Variants in MBP observed in about 807,000 individuals in gnomAD.
The protein encoded by MBP is Golli-MBP.
A neutral mutation model predicts 35.8 loss-of-function variants in MBP; 16 were observed. The ratio of observed to expected loss-of-function variants is 0.45; its 90% CI spans 0.30 to 0.68. The LOEUF is 0.68. Among genes scored for constraint, MBP ranks in the 30% least tolerant of loss-of-function variants. The pLI is 0.08. For missense variants in MBP, 380 were observed against 404.7 expected, an observed-to-expected ratio of 0.94 and a Z score of 0.52; for synonymous variants, 143 against 159.6, an observed-to-expected ratio of 0.90 and a Z score of 0.78.
chr18:76,990,903 T>C (rs777748525), intron 4 of MBP: 12 of 316,000 alleles, frequency 3.8e-5, no homozygotes, highest in Middle Eastern at 3.8e-4. Context: ...ACCGACTCAG[T>C]GTGCGGCTCT....
intron 4 of MBP, chr18:77,013,802 A>C: frequency 1.0e-6 from 1 of 985,468 alleles, no homozygotes; most frequent in Non-Finnish European, 1.2e-6. Flanking sequence ...GAACTATCCA[A>C]GTGGCACATC....
intron 2 of MBP, among the ~76,000 whole-genome samples, chr18:77,099,558 G>T (rs1004379465): frequency 6.6e-6 from 1 of 152,214 alleles, no homozygotes; most frequent in Non-Finnish European, 1.5e-5. Context: ...ACGCTCCCAC[G>T]CAAGGATCGT....
intron 3 of MBP, among the ~76,000 whole-genome samples, chr18:77,027,105 TA>T (rs1213331621): frequency 6.6e-6 from 1 of 152,074 alleles, no homozygotes; most frequent in Non-Finnish European, 1.5e-5. Flanking sequence ...CATAGGCCAG[TA>T]AAATAGGAAA....
intron 4 of MBP, among the ~76,000 whole-genome samples, chr18:76,993,566 A>AAC (rs1568271821): frequency 4.0e-5 from 6 of 149,588 alleles, no homozygotes; most frequent in Non-Finnish European, 3.0e-5. Flanking sequence ...AAAAAAAAAA[A>AAC]AACAAAAGAT....
chr18:77,119,499 C>T (rs549204349), intron 1 of MBP, among the ~76,000 whole-genome samples: 5 of 152,170 alleles, frequency 3.3e-5, no homozygotes, highest in Non-Finnish European at 2.9e-5. Context: ...CAATACCCAG[C>T]AGGCACACAG....
At chr18:77,097,572 ATCT>A (rs879642881) in intron 2 of MBP, 1 of 152,220 alleles carries the variant, frequency 6.6e-6, no homozygotes, top group African/African-American at 2.4e-5. Flanking sequence ...AGAGCCAGAC[ATCT>A]TCTACACAGC....
intron 3 of MBP, among the ~76,000 whole-genome samples, chr18:77,017,957 C>T (rs901136671): frequency 1.2e-4 from 19 of 152,298 alleles, no homozygotes; most frequent in Middle Eastern, 3.4e-3. Context: ...ATTTCTGTCA[C>T]GAAGGGCAAT....
chr18:77,084,426 C>CA (rs1568331734), intron 2 of MBP, among the ~76,000 whole-genome samples: 9 of 58,480 alleles, frequency 1.5e-4, no homozygotes, highest in Non-Finnish European at 2.1e-4. Flanking sequence ...CCCCGCCACA[C>CA]CACACCACAC....
At position 76,988,123 on chromosome 18, in the gene MBP, A is replaced by AT. The variant is rs1428335652; in HGVS notation, c.750+371dup. On this transcript the variant is annotated intron_variant, in intron 7 of 8. Coordinates refer to ENST00000355994, the MANE Select transcript of MBP (RefSeq NM_001025101.2). The surrounding 1 kb of genome is among the most constrained non-coding windows in gnomAD (Gnocchi z 5.2). ...ACGGGCCAGCCAGTCCCACTTCCAC[A>AT]TGCGGGTTCCTGGGGCTTCTCGCAC... The AT allele has an allele frequency of 6.6e-7, 1 of 1,521,668 alleles. No homozygotes were observed. 94.3% of individuals were successfully genotyped at this position (1,521,668 alleles called of 1,614,324 possible). A position where few individuals can be genotyped will look rare whatever the true frequency, so the allele number is the denominator to read the frequency against.
chr18:76,996,725 G>T (rs952713339), intron 4 of MBP, among the ~76,000 whole-genome samples: 1 of 152,068 alleles, frequency 6.6e-6, no homozygotes, highest in African/African-American at 2.4e-5. Context: ...GGAGGGTGCA[G>T]TGTGGACCAC....
intron 4 of MBP, chr18:77,012,692 A>T: frequency 2.8e-6 from 2 of 710,412 alleles, no homozygotes; most frequent in Non-Finnish European, 3.5e-6. Context: ...CTGTGTCACC[A>T]GGCCACAAAA....
chr18:77,113,489 G>A (rs1465143157), intron 1 of MBP: 2 of 152,342 alleles, frequency 1.3e-5, no homozygotes, highest in Non-Finnish European at 2.9e-5. Context: ...TGCTGTTTCA[G>A]GACGCCCACC....
intron 4 of MBP, among the ~76,000 whole-genome samples, chr18:76,998,754 G>A (rs1016142122): frequency 2.8e-4 from 43 of 152,124 alleles, no homozygotes; most frequent in African/African-American, 1.0e-3. Context: ...TGTCTGCCCC[G>A]CTCTCCTGTG....
At chr18:76,997,589 G>C (rs911585078) in intron 4 of MBP, among the ~76,000 whole-genome samples, 10 of 152,260 alleles carry the variant, frequency 6.6e-5, no homozygotes, top group Admixed American at 3.3e-4. Flanking sequence ...TGCTGAGCAC[G>C]GGAAGAAAAG....
rs377670305 is a variant in MBP at position 76,989,649 on chromosome 18, G to A, written c.681+307C>T. On this transcript the variant is annotated intron_variant, in intron 5 of 8. Coordinates refer to ENST00000355994, the MANE Select transcript of MBP (RefSeq NM_001025101.2). The surrounding 1 kb of genome is among the most constrained non-coding windows in gnomAD (Gnocchi z 4.0). ...CCCCTCCGCTCCCAGCCCATGGCAA[G>A]CACTCTCCATAGGTTGCAAAGCCTG... 1 of 335,732 alleles carries A rather than the reference G, an allele frequency of 3.0e-6. No individual in the cohort carries two copies. The highest frequency in any genetic ancestry group is 5.6e-6 in the Non-Finnish European group (1 of 178,380). 20.8% of individuals were successfully genotyped at this position (335,732 alleles called of 1,614,324 possible). A position where few individuals can be genotyped will look rare whatever the true frequency, so the allele number is the denominator to read the frequency against.
At chr18:77,112,169 G>GCGCACACACACACACACACACA (rs370587502) in intron 1 of MBP, among the ~76,000 whole-genome samples, 14 of 150,874 alleles carry the variant, frequency 9.3e-5, no homozygotes, top group African/African-American at 3.4e-4. Flanking sequence ...CCGTGCACAC[G>GCGCACACACACACACACACACA]CACACACACA....
chr18:76,988,157 T>C lies in MBP; in HGVS notation c.750+338A>G. Reference sequence around the variant, plus strand: ...CCTGGGGCTTCTCGCACTGGTTGTGTTGGAGGAAGTTAAACATTTTCTCGG... The same window carrying C: ...CCTGGGGCTTCTCGCACTGGTTGTGCTGGAGGAAGTTAAACATTTTCTCGG... On this transcript the variant is annotated intron_variant, in intron 7 of 8. Transcript: ENST00000355994. This position sits in a 1 kb window ranked among gnomAD's most constrained non-coding sequence, Gnocchi z 5.2. The C allele has an allele frequency of 6.5e-7, 1 of 1,537,162 alleles. No individual in the cohort carries two copies. The highest frequency in any genetic ancestry group is 8.7e-7 in the Non-Finnish European group (1 of 1,146,424).
intron 3 of MBP, among the ~76,000 whole-genome samples, chr18:77,059,982 CA>C (rs1290088963): frequency 1.3e-5 from 2 of 152,186 alleles, no homozygotes; most frequent in East Asian, 3.9e-4. Context: ...GCCCTCCAGG[CA>C]AGACGGAATA....
intron 1 of MBP, among the ~76,000 whole-genome samples, chr18:77,110,975 T>C (rs550257182): frequency 6.6e-6 from 1 of 152,276 alleles, no homozygotes; most frequent in African/African-American, 2.4e-5. Context: ...GTTTTCGACA[T>C]CCCAGGTGCT....
Sources: allele counts gnomAD v4.1 joint callset (sites outside exome capture counted in the v4.1 genomes callset), GRCh38; gene constraint gnomAD v4.1.1; non-coding constraint Gnocchi (gnomAD v3.1); transcripts MANE v1.5; gene names NCBI Gene and HGNC (gene_info 2026-07-23, HGNC 2026-07-21).